MARCHF1: variants seen among roughly 807,000 people sequenced by gnomAD.
The protein encoded by MARCHF1 is E3 ubiquitin-protein ligase MARCHF1.
A neutral mutation model predicts 54.2 loss-of-function variants in MARCHF1; 40 were observed. That is an observed-to-expected ratio of 0.74 (90% CI 0.57 to 0.96). The LOEUF (loss-of-function observed/expected upper bound fraction) is 0.96. MARCHF1 is among the 40% of genes least tolerant of loss of function. MARCHF1 has a pLI of 0.00. For synonymous variants in MARCHF1, 236 were observed against 236.3 expected (o/e 1.00, Z 0.01); for missense variants, 586 against 656.5 (o/e 0.89, Z 1.17).
intron 5 of MARCHF1, among the ~76,000 whole-genome samples, chr4:163,651,063 A>G (rs1742945980): frequency 6.6e-6 from 1 of 151,978 alleles, no homozygotes; most frequent in Admixed American, 6.6e-5. Context: ...CAGAGTAAGA[A>G]CTGAAGAAGT....
intron 4 of MARCHF1, among the ~76,000 whole-genome samples, chr4:163,719,889 G>A: frequency 1.3e-5 from 2 of 151,990 alleles, no homozygotes; most frequent in Non-Finnish European, 2.9e-5. Context: ...TTTTTTTCTT[G>A]TAAATTTGTT....
intron 1 of MARCHF1, among the ~76,000 whole-genome samples, chr4:164,270,523 A>G (rs1019301999): frequency 6.6e-6 from 1 of 152,206 alleles, no homozygotes; most frequent in Non-Finnish European, 1.5e-5. Context: ...AGCATGTTAC[A>G]TACTAGGTGT....
At chr4:163,594,656 A>G (rs7681579) in intron 7 of MARCHF1, among the ~76,000 whole-genome samples, 2,837 of 152,190 alleles carry the variant, frequency 0.019, 78 homozygotes, top group African/African-American at 0.063. Context: ...GTCAACAGCT[A>G]TATAGAAAGG....
At chr4:163,941,519 T>C (rs1306049091) in intron 3 of MARCHF1, among the ~76,000 whole-genome samples, 1 of 152,118 alleles carries the variant, frequency 6.6e-6, no homozygotes, top group East Asian at 1.9e-4. Flanking sequence ...TGGATGACTC[T>C]TCCTGCTTTC....
chr4:164,195,911 G>A (rs895185614), intron 1 of MARCHF1, among the ~76,000 whole-genome samples: 7 of 151,994 alleles, frequency 4.6e-5, no homozygotes, highest in Non-Finnish European at 1.0e-4. Flanking sequence ...ACTAATAACT[G>A]CTTTATTACT....
chr4:164,113,285 G>A (rs1755872968), intron 1 of MARCHF1, among the ~76,000 whole-genome samples: 1 of 151,946 alleles, frequency 6.6e-6, no homozygotes, highest in Admixed American at 6.6e-5. Flanking sequence ...TTATTGGTTG[G>A]ATGAAAGAGA....
intron 2 of MARCHF1, among the ~76,000 whole-genome samples, chr4:164,039,537 T>A (rs1337036347): frequency 1.3e-5 from 2 of 152,194 alleles, no homozygotes; most frequent in African/African-American, 2.4e-5. Flanking sequence ...TTCCAATTTA[T>A]ACTGTCAAAG....
At chr4:164,234,601 A>C (rs1732497496) in intron 1 of MARCHF1, among the ~76,000 whole-genome samples, 1 of 152,116 alleles carries the variant, frequency 6.6e-6, no homozygotes, top group African/African-American at 2.4e-5. Flanking sequence ...GATAAATGGG[A>C]TGAAATCTTA....
At chr4:163,679,979 G>GTT (rs11327231) in intron 5 of MARCHF1, among the ~76,000 whole-genome samples, 2 of 139,372 alleles carry the variant, frequency 1.4e-5, no homozygotes, top group African/African-American at 5.3e-5. Flanking sequence ...CTTTTTATCT[G>GTT]TTTTTTTTTT....
chr4:163,588,073 A>T (rs186256928), intron 7 of MARCHF1, among the ~76,000 whole-genome samples: 136 of 152,232 alleles, frequency 8.9e-4, no homozygotes, highest in African/African-American at 3.0e-3. Flanking sequence ...TTTTGAACGA[A>T]TTTCTTAAGT....
intron 1 of MARCHF1, among the ~76,000 whole-genome samples, chr4:164,329,711 C>A (rs80328895): frequency 2.6e-5 from 4 of 152,134 alleles, no homozygotes; most frequent in African/African-American, 7.2e-5. Flanking sequence ...GCACGTCACA[C>A]GGCAAAAGAA....
At chr4:163,545,178 A>G (rs1738854852) in intron 9 of MARCHF1, among the ~76,000 whole-genome samples, 2 of 152,210 alleles carry the variant, frequency 1.3e-5, no homozygotes, top group African/African-American at 2.4e-5. Flanking sequence ...GAGCTATAAC[A>G]CATTCTCTAC....
At chr4:163,861,054 A>G (rs1228229869) in intron 3 of MARCHF1, among the ~76,000 whole-genome samples, 1 of 152,236 alleles carries the variant, frequency 6.6e-6, no homozygotes, top group Non-Finnish European at 1.5e-5. Context: ...ATTAAGGACT[A>G]TACTGGAAAA....
At chr4:164,371,966 GCCT>G (rs1731048712) in intron 1 of MARCHF1, among the ~76,000 whole-genome samples, 1 of 152,002 alleles carries the variant, frequency 6.6e-6, no homozygotes, top group South Asian at 2.1e-4. Context: ...ATATTTTAAA[GCCT>G]CCTCCTGCAG....
chr4:163,632,585 T>C (rs1017058418), intron 5 of MARCHF1, among the ~76,000 whole-genome samples: 2 of 151,994 alleles, frequency 1.3e-5, no homozygotes, highest in South Asian at 2.1e-4. Context: ...GCACCTGGCT[T>C]GGAGGGTCCT....
chr4:164,233,139 CT>C (rs1490482914), intron 1 of MARCHF1, among the ~76,000 whole-genome samples: 2 of 151,942 alleles, frequency 1.3e-5, no homozygotes, highest in Non-Finnish European at 2.9e-5. Flanking sequence ...AATAGTACCC[CT>C]ATATGTGTTT....
chr4:164,306,374 T>C (rs1175036739), intron 1 of MARCHF1, among the ~76,000 whole-genome samples: 1 of 152,280 alleles, frequency 6.6e-6, no homozygotes, highest in East Asian at 1.9e-4. Flanking sequence ...ACCTCATTTC[T>C]ATCAAGGTCA....
intron 1 of MARCHF1, among the ~76,000 whole-genome samples, chr4:164,297,511 C>T (rs1185480628): frequency 1.3e-5 from 2 of 152,010 alleles, no homozygotes; most frequent in Non-Finnish European, 2.9e-5. Flanking sequence ...CAGTACTCCT[C>T]AAAGCTGTAA....
intron 1 of MARCHF1, among the ~76,000 whole-genome samples, chr4:164,300,864 G>A (rs569609312): frequency 1.7e-4 from 26 of 152,242 alleles, no homozygotes; most frequent in African/African-American, 5.8e-4. Context: ...ATGGTAAAGC[G>A]GGAGAATTTA....
Sources: allele counts gnomAD v4.1 joint callset (sites outside exome capture counted in the v4.1 genomes callset), GRCh38; gene constraint gnomAD v4.1.1; transcripts MANE v1.5; gene names NCBI Gene and HGNC (gene_info 2026-07-23, HGNC 2026-07-21).